Variants in ATP2A3 observed in about 807,000 individuals in gnomAD.
ATP2A3 encodes the protein sarcoplasmic/endoplasmic reticulum calcium ATPase 3.
Under a neutral mutation model 106.8 loss-of-function variants are expected in ATP2A3, and 61 were observed. That is an observed-to-expected ratio of 0.57 (90% CI 0.46 to 0.71). The LOEUF (loss-of-function observed/expected upper bound fraction) is 0.71, where lower values mean the gene tolerates loss of function less well. Among genes scored for constraint, ATP2A3 ranks in the 30% least tolerant of loss-of-function variants. The pLI, the probability that ATP2A3 is intolerant of heterozygous loss-of-function variation, is 0.00. For missense variants in ATP2A3, 1,201 were observed against 1,423.5 expected, an observed-to-expected ratio of 0.84 and a Z score of 2.52; for synonymous variants, 611 against 609.3, an observed-to-expected ratio of 1.00 and a Z score of -0.04.
In ATP2A3 at chr17:3,935,359, A is replaced by G. The variant is rs2053377837; in HGVS notation, c.2525-82T>C. The G allele has an allele frequency of 8.7e-6, 12 of 1,377,882 alleles. No individual in the cohort carries two copies. The South Asian group carries it at 1.4e-4, about 16-fold the overall frequency. The allele number at this position is 1,377,882 out of a possible 1,614,324, so 85.4% of individuals were successfully genotyped here. A position where few individuals can be genotyped will look rare whatever the true frequency, so the allele number is the denominator to read the frequency against. On this transcript the variant is annotated intron_variant, in intron 16 of 20. Coordinates refer to ENST00000397041, the MANE Select transcript of ATP2A3 (RefSeq NM_005173.4). ...TTTCCCCTGCCTAATAATTCCCTGA[A>G]TTCCCTGCAGGGAGCCACCCTTTTC... is the stretch of plus-strand genomic sequence containing the variant.
At position 3,925,071 on chromosome 17, in the gene ATP2A3, A is replaced by G. The variant is rs188737045; in HGVS notation, c.*351T>C. On this transcript the variant is annotated 3_prime_UTR_variant, in exon 21 of 21. Coordinates refer to ENST00000397041, the MANE Select transcript of ATP2A3 (RefSeq NM_005173.4). The surrounding 1 kb of genome is among the most constrained non-coding windows in gnomAD (Gnocchi z 4.2). Reference sequence around the variant, plus strand: ...ACAAGGGGGAGCAAGCTCCAGCTGCACTCGTGATTTGGGGGTGGGGGGGCC... The same window carrying G: ...ACAAGGGGGAGCAAGCTCCAGCTGCGCTCGTGATTTGGGGGTGGGGGGGCC... The G allele has an allele frequency of 2.0e-6, 1 of 494,794 alleles. No individual in the cohort carries two copies. Among genetic ancestry groups the G allele is most frequent in the East Asian group, 3.8e-5 (1 of 26,530 alleles). The allele number at this position is 494,794 out of a possible 1,614,324, so 30.7% of individuals were successfully genotyped here. A position where few individuals can be genotyped will look rare whatever the true frequency, so the allele number is the denominator to read the frequency against.
chr17:3,942,536 C>T, intron 12 of ATP2A3, 70 bp downstream of exon 12: 7 of 1,580,904 alleles, frequency 4.4e-6, no homozygotes, highest in Non-Finnish European at 6.0e-6. Context: ...GACTGGGGCT[C>T]ACAGAGGAGC....
chr17:3,935,122 C>A, intron 17 of ATP2A3, 70 bp downstream of exon 17: 1 of 1,515,568 alleles, frequency 6.6e-7, no homozygotes, highest in Non-Finnish European at 9.2e-7. Context: ...CGGCTCTAGA[C>A]CCATCTCCCC....
intron 14 of ATP2A3, among the ~76,000 whole-genome samples, chr17:3,940,770 A>G (rs1277651591): frequency 6.6e-6 from 1 of 152,204 alleles, no homozygotes; most frequent in Non-Finnish European, 1.5e-5. Flanking sequence ...AGCCTCCCAA[A>G]GTGCTGAGAT....
At chr17:3,960,787 G>A (rs979832699) in intron 1 of ATP2A3, among the ~76,000 whole-genome samples, 2 of 152,208 alleles carry the variant, frequency 1.3e-5, no homozygotes, top group African/African-American at 4.8e-5. Flanking sequence ...ACTGCACAGA[G>A]AAGTTTAGTG....
At chr17:3,939,628 A>T (rs1286538556) in intron 14 of ATP2A3, among the ~76,000 whole-genome samples, 2 of 151,690 alleles carry the variant, frequency 1.3e-5, no homozygotes, top group Non-Finnish European at 2.9e-5. Flanking sequence ...CTCTACTAAA[A>T]ATAAAAAAAT....
chr17:3,942,468 T>G, intron 12 of ATP2A3, 138 bp downstream of exon 12: 16 of 1,280,870 alleles, frequency 1.2e-5, no homozygotes, highest in Admixed American at 2.4e-5. Context: ...ACACCACCGG[T>G]TAGAGGCAAA....
In ATP2A3 at chr17:3,953,267, G is replaced by GGACCTCGGAGCACTGCCCAGGCTCCAA; in HGVS notation, c.219+79_219+80insTTGGAGCCTGGGCAGTGCTCCGAGGTC. 1 of 1,487,260 alleles carries GGACCTCGGAGCACTGCCCAGGCTCCAA rather than the reference G, an allele frequency of 6.7e-7. No homozygotes were observed. Among genetic ancestry groups the GGACCTCGGAGCACTGCCCAGGCTCCAA allele is most frequent in the Non-Finnish European group, 9.4e-7 (1 of 1,065,720 alleles). The allele number at this position is 1,487,260 out of a possible 1,614,324, so 92.1% of individuals were successfully genotyped here. The stretch of plus-strand genomic sequence containing the variant: ...GTGTGGAGGACAGGCCCAGGCTCCA[G>GGACCTCGGAGCACTGCCCAGGCTCCAA]GACCTCGGAGCACTGCCCAGCCTGG... On this transcript the variant is annotated intron_variant, in intron 3 of 20. Transcript: ENST00000397041. The surrounding 1 kb of genome is among the most constrained non-coding windows in gnomAD (Gnocchi z 5.1).
Position 3,951,574 on chromosome 17 carries a change from C to T in ATP2A3, c.324+7G>A, listed in dbSNP as rs1321839748. On this transcript the variant is annotated splice_region_variant and intron_variant, in intron 4 of 20. Transcript: ENST00000397041. ...CCCCGCCCGGTCCCACCCCCAGTGC[C>T]TCCCACCTGCCACACGCCCACAATG... 1 of 1,554,058 alleles carries T rather than the reference C, an allele frequency of 6.4e-7. No individual in the cohort carries two copies. The highest frequency in any genetic ancestry group is 2.3e-5 in the East Asian group (1 of 43,236).
chr17:3,946,242 C>CAA (rs35377738), intron 8 of ATP2A3, among the ~76,000 whole-genome samples: 15 of 109,292 alleles, frequency 1.4e-4, no homozygotes, highest in African/African-American at 3.9e-4. Flanking sequence ...GACTCCATCT[C>CAA]AAAAAAAAAA....
At chr17:3,951,432 C>G (rs1263160804) in intron 4 of ATP2A3, 43 bp from the exon 5 acceptor site, 3 of 1,612,810 alleles carry the variant, frequency 1.9e-6, no homozygotes, top group East Asian at 2.2e-5. Context: ...CCTGCTGCCC[C>G]CCGCAGACCA....
chr17:3,953,322 G>A lies in ATP2A3; in HGVS notation c.219+25C>T, dbSNP rs768297522. 1.9e-6 allele frequency: 3 copies of A among 1,611,960 alleles called. No individual in the cohort carries two copies. In the African/African-American group the frequency reaches 4.0e-5, roughly 22 times the overall value. On this transcript the variant is annotated intron_variant, in intron 3 of 20. Coordinates refer to ENST00000397041, the MANE Select transcript of ATP2A3 (RefSeq NM_005173.4). This position sits in a 1 kb window ranked among gnomAD's most constrained non-coding sequence, Gnocchi z 5.1. Reference sequence around the variant, plus strand: ...CCCTCCAGGGCTACCGACTACCACAGGATGGCTGGCAGGGCCCTACTTACA... The same window carrying A: ...CCCTCCAGGGCTACCGACTACCACAAGATGGCTGGCAGGGCCCTACTTACA...
chr17:3,941,724 T>A (rs960347271), intron 12 of ATP2A3, 70 bp from the exon 13 acceptor site: 1 of 1,518,664 alleles, frequency 6.6e-7, no homozygotes, highest in Non-Finnish European at 8.9e-7. Context: ...CTGCCCAAAC[T>A]CAGGAAACTG....
In ATP2A3 at chr17:3,930,768, A is replaced by G; in HGVS notation, c.2611-334T>C. 2.3e-6 allele frequency: 1 copy of G among 430,584 alleles called. No homozygotes were observed. Among genetic ancestry groups the G allele is most frequent in the Non-Finnish European group, 4.4e-6 (1 of 228,264 alleles). The allele number at this position is 430,584 out of a possible 1,614,324, so 26.7% of individuals were successfully genotyped here. A position where few individuals can be genotyped will look rare whatever the true frequency, so the allele number is the denominator to read the frequency against. ...ACTGAATAGGGAAATGCATGTGAAA[A>G]TCAACCAACAAAACCATGCGGGAGT... On this transcript the variant is annotated intron_variant, in intron 17 of 20. Coordinates refer to ENST00000397041, the MANE Select transcript of ATP2A3 (RefSeq NM_005173.4). The surrounding 1 kb of genome is among the most constrained non-coding windows in gnomAD (Gnocchi z 5.4).
intron 17 of ATP2A3, among the ~76,000 whole-genome samples, chr17:3,931,096 C>A (rs986028194): frequency 2.6e-5 from 4 of 151,180 alleles, no homozygotes; most frequent in African/African-American, 9.8e-5. Flanking sequence ...GCAGAGATCG[C>A]GTCACTGCAC....
rs141235119 is a variant in ATP2A3 at position 3,930,371 on chromosome 17, C to G, written c.2674G>C (p.Glu892Gln). 567 of 1,613,740 alleles carry G rather than the reference C, an allele frequency of 3.5e-4. No homozygotes were observed. Among genetic ancestry groups the G allele is most frequent in the Non-Finnish European group, 4.1e-4 (487 of 1,179,882 alleles). The change falls in exon 18 of 21, where the codon GAG (glutamate) becomes CAG (glutamine). Residue 892 changes from glutamate (E) to glutamine (Q), a missense_variant. Transcript: ENST00000397041. This position sits in a 1 kb window ranked among gnomAD's most constrained non-coding sequence, Gnocchi z 5.4. ...LFAGIDCEVF[E>Q]SRFPTTMALS... is the part of the protein sequence containing the mutation. ...GCCATGGTGGTGGGGAAGCGTGACT[C>G]GAACACCTCACAGTCGATGCCGGCA...
chr17:3,941,344 C>T (rs1471600075), intron 13 of ATP2A3, 38 bp from the exon 14 acceptor site: 2 of 1,613,262 alleles, frequency 1.2e-6, no homozygotes, highest in African/African-American at 1.3e-5. Context: ...GGCCTGAGCC[C>T]ATCCCTGACC....
intron 14 of ATP2A3, among the ~76,000 whole-genome samples, chr17:3,939,969 G>A (rs188389412): frequency 1.2e-4 from 18 of 147,588 alleles, no homozygotes; most frequent in African/African-American, 3.5e-4. Context: ...GTTTTGCGAC[G>A]AAGGACAGAG....
At chr17:3,933,063 C>T (rs970528330) in intron 17 of ATP2A3, among the ~76,000 whole-genome samples, 1 of 150,160 alleles carries the variant, frequency 6.7e-6, no homozygotes, top group African/African-American at 2.5e-5. Context: ...GGGCAGATCA[C>T]CTGAGGTCAG....
Sources: gnomAD v4.1 joint callset for allele counts (sites outside exome capture counted in the v4.1 genomes callset) on GRCh38, gnomAD v4.1.1 for gene constraint, Gnocchi (gnomAD v3.1) non-coding constraint, MANE v1.5 for transcripts, NCBI Gene and HGNC (gene_info 2026-07-23, HGNC 2026-07-21) for gene names.